The following KCNT2 variants were observed in gnomAD, a reference collection of about 807,000 sequenced individuals.
The protein encoded by KCNT2 is potassium channel subfamily T member 2.
In KCNT2, 67 loss-of-function variants were observed where a neutral mutation model predicts 153.8. The ratio of observed to expected loss-of-function variants is 0.44; its 90% confidence interval spans 0.36 to 0.53. The LOEUF is 0.53. KCNT2 is among the 20% of genes least tolerant of loss of function. The probability of loss-of-function intolerance (pLI) is 0.00; values close to 1 mark genes in which losing one functional copy is unlikely to be tolerated. For missense variants in KCNT2, 975 were observed against 1,354.8 expected, an observed-to-expected ratio of 0.72 and a Z score of 4.40; for synonymous variants, 500 against 458.8, an observed-to-expected ratio of 1.09 and a Z score of -1.15.
At chr1:196,238,790 C>T (rs554746471) in intron 26 of KCNT2, among the ~76,000 whole-genome samples, 27 of 151,964 alleles carry the variant, frequency 1.8e-4, no homozygotes, top group African/African-American at 6.5e-4. Context: ...TGTAACAAAC[C>T]TGCATGCTGT....
chr1:196,400,142 T>C (rs557430569), intron 12 of KCNT2, among the ~76,000 whole-genome samples: 19 of 151,904 alleles, frequency 1.3e-4, no homozygotes, highest in Non-Finnish European at 2.5e-4. Flanking sequence ...ATAATTCTAC[T>C]AAGATTCATC....
At chr1:196,315,818 CAG>C (rs1662657064) in intron 21 of KCNT2, 72 bp downstream of exon 21, 1 of 1,328,520 alleles carries the variant, frequency 7.5e-7, no homozygotes, top group Non-Finnish European at 1.0e-6. Context: ...TCATTCCTCA[CAG>C]AGTCAGTGTC....
intron 20 of KCNT2, among the ~76,000 whole-genome samples, chr1:196,318,736 C>T (rs1322481663): frequency 6.6e-6 from 1 of 151,520 alleles, no homozygotes; most frequent in Non-Finnish European, 1.5e-5. Context: ...TTAATGTATC[C>T]ACAGCACTAA....
intron 12 of KCNT2, among the ~76,000 whole-genome samples, chr1:196,401,033 G>A (rs186673218): frequency 6.6e-6 from 1 of 151,900 alleles, no homozygotes; most frequent in Non-Finnish European, 1.5e-5. Flanking sequence ...CACAGGAAAA[G>A]GGAGAGGCAA....
intron 4 of KCNT2, among the ~76,000 whole-genome samples, chr1:196,480,966 G>A (rs6701566): frequency 0.045 from 6,835 of 150,700 alleles, 516 homozygotes; most frequent in African/African-American, 0.16. Flanking sequence ...ATAATATATG[G>A]CTATTCATAA....
chr1:196,413,765 TA>T (rs1300408787), intron 12 of KCNT2, among the ~76,000 whole-genome samples: 1 of 151,720 alleles, frequency 6.6e-6, no homozygotes, highest in Admixed American at 6.6e-5. Flanking sequence ...GTTTTTCTAA[TA>T]AAGAATACAA....
chr1:196,582,252 C>T (rs1197268551), intron 1 of KCNT2, among the ~76,000 whole-genome samples: 1 of 151,950 alleles, frequency 6.6e-6, no homozygotes, highest in African/African-American at 2.4e-5. Flanking sequence ...CTTAACTTCT[C>T]TATGCCTGTT....
At chr1:196,295,511 G>A (rs1051402989) in intron 22 of KCNT2, among the ~76,000 whole-genome samples, 4 of 151,614 alleles carry the variant, frequency 2.6e-5, no homozygotes, top group South Asian at 2.1e-4. Context: ...CAAGGAAAGA[G>A]ATGGAGAATT....
intron 1 of KCNT2, among the ~76,000 whole-genome samples, chr1:196,588,294 A>G (rs1662933003): frequency 1.3e-5 from 2 of 151,972 alleles, no homozygotes; most frequent in Non-Finnish European, 2.9e-5. Context: ...GAAAACAAAC[A>G]TTTAAAGCAA....
intron 1 of KCNT2, among the ~76,000 whole-genome samples, chr1:196,510,295 T>C (rs1247168426): frequency 1.3e-5 from 2 of 152,120 alleles, no homozygotes; most frequent in African/African-American, 4.8e-5. Context: ...CTGGGCACTA[T>C]GCAGAGCACA....
Position 196,373,235 on chromosome 1 carries a change from A to G in KCNT2, c.1308T>C (p.Cys436=), listed in dbSNP as rs369862619. ...ACATGGCGTATTTAAACTCTTCTTC[A>G]CAAACAACATGATCTGTTTGAAATA... ...FHIKFADHVV[C]EEEFKYAMLA... is the part of the protein sequence containing the mutation. Residue 436 remains cysteine, a synonymous_variant, in exon 14 of 28, where the codon TGT becomes TGC. Transcript: ENST00000294725. 2 of 1,473,808 alleles carry G rather than the reference A, an allele frequency of 1.4e-6. No individual in the cohort carries two copies. Among genetic ancestry groups the G allele is most frequent in the Non-Finnish European group, 1.9e-6 (2 of 1,053,784 alleles). The allele number at this position is 1,473,808 out of a possible 1,614,324, so 91.3% of individuals were successfully genotyped here.
chr1:196,570,100 T>TAAAAAAAAAAAAAAAAAAAAAAA (rs1553256605), intron 1 of KCNT2, among the ~76,000 whole-genome samples: 9 of 129,524 alleles, frequency 6.9e-5, no homozygotes, highest in African/African-American at 3.1e-4. Context: ...AAAAAAAAAT[T>TAAAAAAAAAAAAAAAAAAAAAAA]AAAGGCCTTT....
intron 1 of KCNT2, among the ~76,000 whole-genome samples, chr1:196,537,012 G>T (rs573734070): frequency 1.3e-5 from 2 of 152,134 alleles, no homozygotes; most frequent in African/African-American, 2.4e-5. Context: ...ATTCCCAGGT[G>T]CTCCATGCAC....
intron 8 of KCNT2, among the ~76,000 whole-genome samples, chr1:196,450,074 T>C (rs947643546): frequency 6.6e-6 from 1 of 151,890 alleles, no homozygotes; most frequent in African/African-American, 2.4e-5. Context: ...ATATGGTTCT[T>C]TATAAAAATC....
intron 22 of KCNT2, among the ~76,000 whole-genome samples, chr1:196,287,940 T>C (rs1031177838): frequency 3.9e-5 from 6 of 152,072 alleles, no homozygotes; most frequent in African/African-American, 1.4e-4. Flanking sequence ...TGAATATATG[T>C]AATAATTAGG....
intron 12 of KCNT2, among the ~76,000 whole-genome samples, chr1:196,403,949 C>T (rs968472652): frequency 6.6e-6 from 1 of 151,592 alleles, no homozygotes; most frequent in African/African-American, 2.4e-5. Context: ...CCCTTGGCAA[C>T]AGTTGACTTG....
chr1:196,282,423 A>G (rs895726433), intron 23 of KCNT2, 67 bp from the exon 24 acceptor site: 7 of 770,514 alleles, frequency 9.1e-6, no homozygotes, highest in Non-Finnish European at 1.5e-5. Context: ...AGATGTGTAG[A>G]ACAGCTAAAA....
chr1:196,569,006 A>C (rs935060947), intron 1 of KCNT2, among the ~76,000 whole-genome samples: 3 of 152,152 alleles, frequency 2.0e-5, no homozygotes, highest in Admixed American at 2.0e-4. Context: ...GGAGTCACTC[A>C]TCATTGCTGT....
intron 26 of KCNT2, among the ~76,000 whole-genome samples, chr1:196,251,038 C>G (rs773978038): frequency 6.6e-6 from 1 of 152,050 alleles, no homozygotes; most frequent in Non-Finnish European, 1.5e-5. Context: ...TAAATTAGTA[C>G]AACCACTATG....
Sources: gnomAD v4.1 joint callset for allele counts (sites outside exome capture counted in the v4.1 genomes callset) on GRCh38, gnomAD v4.1.1 for gene constraint, MANE v1.5 for transcripts, NCBI Gene and HGNC (gene_info 2026-07-23, HGNC 2026-07-21) for gene names.